Variants in USF3 observed in about 807,000 individuals in gnomAD.
USF3 encodes the protein upstream transcription factor family member 3.
A neutral mutation model predicts 157.5 loss-of-function variants in USF3; 29 were observed. That is an observed-to-expected ratio of 0.18 (90% CI 0.14 to 0.25). The LOEUF (loss-of-function observed/expected upper bound fraction) is 0.25, where lower values mean the gene tolerates loss of function less well. Among genes scored for constraint, USF3 ranks in the 10% least tolerant of loss-of-function variants. The probability of loss-of-function intolerance (pLI) is 1.00; values close to 1 mark genes in which losing one functional copy is unlikely to be tolerated. For synonymous variants in USF3, 893 were observed against 941.4 expected (o/e 0.95, Z 0.94); for missense variants, 2,381 against 2,667.6 (o/e 0.89, Z 2.37).
chr3:113,685,467 G>T (rs1324366578), intron 1 of USF3, among the ~76,000 whole-genome samples: 1 of 152,148 alleles, frequency 6.6e-6, no homozygotes, highest in East Asian at 1.9e-4. Context: ...CCAGTGGGGG[G>T]TCTAGAAATG....
intron 4 of USF3, among the ~76,000 whole-genome samples, chr3:113,671,168 T>C (rs987953890): frequency 1.3e-5 from 2 of 152,242 alleles, no homozygotes; most frequent in Non-Finnish European, 2.9e-5. Context: ...CTAGAGATTT[T>C]AATGATAATC....
At chr3:113,673,412 A>G in intron 3 of USF3, 36 bp from the exon 4 acceptor site, 1 of 1,320,394 alleles carries the variant, frequency 7.6e-7, no homozygotes, top group Non-Finnish European at 1.1e-6. Flanking sequence ...GTAACATGAA[A>G]ATAATGGGAA....
At chr3:113,672,755 C>A (rs979831235) in intron 4 of USF3, among the ~76,000 whole-genome samples, 2 of 152,264 alleles carry the variant, frequency 1.3e-5, no homozygotes, top group Admixed American at 1.3e-4. Context: ...TCCCAAGGGT[C>A]CTTTCCTTAG....
At chr3:113,684,766 T>C (rs947424880) in intron 1 of USF3, among the ~76,000 whole-genome samples, 1 of 152,198 alleles carries the variant, frequency 6.6e-6, no homozygotes, top group African/African-American at 2.4e-5. Context: ...TTATCTTGGA[T>C]TTTGTTAAGC....
chr3:113,661,852 A>G (rs1247861660), intron 6 of USF3, among the ~76,000 whole-genome samples: 1 of 152,100 alleles, frequency 6.6e-6, no homozygotes, highest in Non-Finnish European at 1.5e-5. Flanking sequence ...TTTATTTTTT[A>G]TTTTATTCTT....
Position 113,656,871 on chromosome 3 carries a change from T to G in USF3, c.4811A>C (p.Gln1604Pro). ...NHLNQDIMHQ[Q>P]QDVGSRQQGS... ...TTGCTGTCTGCTTCCAACATCCTGC[T>G]GTTGGTGCATAATATCTTGATTGAG... The change falls in exon 7 of 7, where the codon CAG becomes CCG. Residue 1604 changes from glutamine (Q) to proline (P), a missense_variant. This residue lies in a region of USF3 where 770 missense variants were observed against 824.2 expected (regional missense o/e 0.93). Transcript: ENST00000316407. 1 of 1,614,234 alleles carries G rather than the reference T, an allele frequency of 6.2e-7. No homozygotes were observed. Among genetic ancestry groups the G allele is most frequent in the Non-Finnish European group, 8.5e-7 (1 of 1,180,040 alleles).
chr3:113,658,000 C>A lies in USF3; in HGVS notation c.3682G>T (p.Asp1228Tyr), dbSNP rs370472347. The change falls in exon 7 of 7, where the codon GAT (aspartate) becomes TAT (tyrosine). Residue 1228 changes from aspartate (D) to tyrosine (Y), a missense_variant. Asp to Tyr is a radical substitution (Grantham distance 160). Coordinates refer to ENST00000316407, the MANE Select transcript of USF3 (RefSeq NM_001009899.4). ...ATGCTTGGTGGCTGAGAAGTTGAATCCTGTAAAGATGCATTTGATGTTTTA... is the reference window on the plus strand; with the variant it reads ...ATGCTTGGTGGCTGAGAAGTTGAATACTGTAAAGATGCATTTGATGTTTTA... ...GIKTSNASLQ[D>Y]STSQPPSITS... 16 of 1,614,002 alleles carry A rather than the reference C, an allele frequency of 9.9e-6. No individual in the cohort carries two copies. The African/African-American group carries it at 1.1e-4, about 11-fold the overall frequency.
chr3:113,683,941 T>C (rs1707493092), intron 1 of USF3, among the ~76,000 whole-genome samples: 1 of 152,270 alleles, frequency 6.6e-6, no homozygotes, highest in African/African-American at 2.4e-5. Context: ...TCTATGTATT[T>C]ACTGTTACCA....
chr3:113,678,737 A>T (rs187526615), intron 1 of USF3, among the ~76,000 whole-genome samples: 2,190 of 152,202 alleles, frequency 0.014, 30 homozygotes, highest in Non-Finnish European at 0.02. Flanking sequence ...GTCATTAAAA[A>T]TTTTTTTTAA....
Position 113,649,935 on chromosome 3 carries a change from G to A in USF3, c.*5009C>T. The A allele has an allele frequency of 1.5e-6, 1 of 688,748 alleles. No individual in the cohort carries two copies. Among genetic ancestry groups the A allele is most frequent in the South Asian group, 1.5e-5 (1 of 64,522 alleles). The allele number at this position is 688,748 out of a possible 1,614,324, so 42.7% of individuals were successfully genotyped here. A position where few individuals can be genotyped will look rare whatever the true frequency, so the allele number is the denominator to read the frequency against. On this transcript the variant is annotated 3_prime_UTR_variant, in exon 7 of 7. Transcript: ENST00000316407. ...TTTCAAACCCTGGGGAAAGAAAAAT[G>A]GTAATGTTCAGCCAAAAAGGCATCT...
At position 113,687,612 on chromosome 3, in the gene USF3, C is replaced by T. The variant is rs866162356; in HGVS notation, c.-135+8758G>A. ...CTGATTCTAATCTAGCACCACAGGG[C>T]TCAGTATAGTCTTCCCCCCTGCTTA... On this transcript the variant is annotated intron_variant, in intron 1 of 6. Transcript: ENST00000316407. 4.6e-5 allele frequency among the ~76,000 whole-genome samples: 7 copies of T among 152,350 alleles called. 1 individual carries two copies. The Middle Eastern group carries it at 0.02, about 444-fold the overall frequency.
intron 1 of USF3, among the ~76,000 whole-genome samples, chr3:113,690,196 C>T (rs1422696825): frequency 7.1e-6 from 1 of 141,436 alleles, no homozygotes; most frequent in East Asian, 2.0e-4. Flanking sequence ...ACCCAAAAAT[C>T]TTCATATCTT....
rs1947367961 is a variant in USF3 at position 113,656,783 on chromosome 3, T to C, written c.4899A>G (p.Ser1633=). ...GHNPMQRLLT[S]RGLEQQMVSQ... ...ACACCATTTGCTGCTCTAAGCCTCT[T>C]GATGTCAAAAGCCTCTGCATTGGAT... Residue 1633 remains serine (S), a synonymous_variant, in exon 7 of 7, where the codon TCA becomes TCG. Transcript: ENST00000316407. 1.2e-6 allele frequency: 2 copies of C among 1,614,096 alleles called. No homozygotes were observed. The highest frequency in any genetic ancestry group is 2.2e-5 in the South Asian group (2 of 91,090).
At position 113,662,824 on chromosome 3, in the gene USF3, G is replaced by A. The variant is rs559443791; in HGVS notation, c.257-1399C>T. Among the ~76,000 whole-genome samples the A allele has an allele frequency of 2.0e-5, 3 of 152,098 alleles. No individual in the cohort carries two copies. In the South Asian group the frequency reaches 6.2e-4, roughly 32 times the overall value. On this transcript the variant is annotated intron_variant, in intron 6 of 6. Coordinates refer to ENST00000316407, the MANE Select transcript of USF3 (RefSeq NM_001009899.4). ...TTAATCCTCATAAGAACCATGAGAT[G>A]GCAATTTATATTTTATTATCACCAC...
Position 113,651,748 on chromosome 3 carries a change from C to T in USF3, c.*3196G>A, listed in dbSNP as rs1173805864. The T allele has an allele frequency of 6.6e-6, 1 of 152,174 alleles. No individual in the cohort carries two copies. The highest frequency in any genetic ancestry group is 2.4e-5 in the African/African-American group (1 of 41,454). 9.4% of individuals were successfully genotyped at this position (152,174 alleles called of 1,614,324 possible). On this transcript the variant is annotated 3_prime_UTR_variant, in exon 7 of 7. Coordinates refer to ENST00000316407, the MANE Select transcript of USF3 (RefSeq NM_001009899.4). ...CATGTATGAACTGAAGTCTTACATA[C>T]ACATGCATACATCTGTAAAGTAATG...
intron 1 of USF3, among the ~76,000 whole-genome samples, chr3:113,689,800 C>T (rs957299183): frequency 2.6e-5 from 4 of 152,192 alleles, no homozygotes; most frequent in African/African-American, 9.7e-5. Flanking sequence ...GGATTTGAGG[C>T]TGCTGATCTC....
At chr3:113,685,254 C>T (rs1020623072) in intron 1 of USF3, among the ~76,000 whole-genome samples, 8 of 152,310 alleles carry the variant, frequency 5.3e-5, no homozygotes, top group South Asian at 2.1e-4. Flanking sequence ...GATGGAGTCA[C>T]GCAATGCTCC....
At chr3:113,672,704 A>T (rs1342620470) in intron 4 of USF3, among the ~76,000 whole-genome samples, 1 of 152,220 alleles carries the variant, frequency 6.6e-6, no homozygotes, top group Admixed American at 6.5e-5. Flanking sequence ...AAACAGCAAT[A>T]TCCCACCAGT....
intron 6 of USF3, among the ~76,000 whole-genome samples, chr3:113,664,052 A>G (rs1218377342): frequency 6.6e-6 from 1 of 152,212 alleles, no homozygotes; most frequent in African/African-American, 2.4e-5. Context: ...TAGTATCATG[A>G]GTTAGGCAAA....
Sources: gnomAD v4.1 joint callset for allele counts (sites outside exome capture counted in the v4.1 genomes callset) on GRCh38, gnomAD v4.1.1 for gene constraint, gnomAD v4.1.1 regional missense constraint, MANE v1.5 for transcripts, NCBI Gene and HGNC (gene_info 2026-07-23, HGNC 2026-07-21) for gene names.